The following DENND1A variants were observed in gnomAD, a reference collection of about 807,000 sequenced individuals.
The protein encoded by DENND1A is DENN domain containing 1A.
In DENND1A, 51 loss-of-function variants were observed where a neutral mutation model predicts 113.7. The ratio of observed to expected loss-of-function variants is 0.45; its 90% CI spans 0.36 to 0.57. The LOEUF is 0.57. DENND1A is among the 20% of genes least tolerant of loss of function. The probability of loss-of-function intolerance (pLI) is 0.00; values close to 1 mark genes in which losing one functional copy is unlikely to be tolerated. For missense variants in DENND1A, 1,258 were observed against 1,395.9 expected (o/e 0.90, Z 1.57); for synonymous variants, 565 against 570.8 (o/e 0.99, Z 0.14).
intron 2 of DENND1A, among the ~76,000 whole-genome samples, chr9:123,804,537 C>T (rs1463925342): frequency 1.3e-5 from 2 of 152,116 alleles, no homozygotes; most frequent in East Asian, 1.9e-4. Flanking sequence ...CTCTTTCAGT[C>T]CCATCACTTC....
intron 5 of DENND1A, among the ~76,000 whole-genome samples, chr9:123,736,824 A>C (rs1427738718): frequency 6.6e-6 from 1 of 152,224 alleles, no homozygotes; most frequent in African/African-American, 2.4e-5. Flanking sequence ...GATGAGGTAG[A>C]TACAGGTCAG....
At chr9:123,732,676 T>A (rs1264836198) in intron 5 of DENND1A, among the ~76,000 whole-genome samples, 1 of 152,180 alleles carries the variant, frequency 6.6e-6, no homozygotes, top group Non-Finnish European at 1.5e-5. Flanking sequence ...GTACACAAAT[T>A]AAAAATAAAA....
intron 16 of DENND1A, 129 bp from the exon 17 acceptor site, chr9:123,452,476 C>T: frequency 1.3e-6 from 1 of 746,760 alleles, no homozygotes; most frequent in South Asian, 1.6e-5. Context: ...AGAAATAGGC[C>T]TGGATGATAA....
At chr9:123,726,280 G>A (rs1385042632) in intron 5 of DENND1A, among the ~76,000 whole-genome samples, 1 of 152,194 alleles carries the variant, frequency 6.6e-6, no homozygotes, top group East Asian at 1.9e-4. Context: ...ATTTGTAAAG[G>A]ATGTAAGGTA....
intron 5 of DENND1A, among the ~76,000 whole-genome samples, chr9:123,736,123 TAC>T (rs566117904): frequency 1.3e-3 from 192 of 152,360 alleles, no homozygotes; most frequent in African/African-American, 4.4e-3. Flanking sequence ...ATAGTAACTA[TAC>T]ACACCAATAG....
At chr9:123,434,366 A>G (rs1054882761) in intron 19 of DENND1A, among the ~76,000 whole-genome samples, 7 of 152,250 alleles carry the variant, frequency 4.6e-5, no homozygotes, top group African/African-American at 1.7e-4. Context: ...GAATTTGGAA[A>G]TAGTTTGTGA....
intron 9 of DENND1A, among the ~76,000 whole-genome samples, chr9:123,640,037 T>C (rs189024885): frequency 9.3e-4 from 142 of 152,302 alleles, no homozygotes; most frequent in Non-Finnish European, 7.8e-4. Context: ...AGTTGAGCTC[T>C]GGATTCTGTG....
At chr9:123,473,619 T>C (rs1229349698) in intron 13 of DENND1A, among the ~76,000 whole-genome samples, 1 of 152,248 alleles carries the variant, frequency 6.6e-6, no homozygotes, top group Non-Finnish European at 1.5e-5. Flanking sequence ...TTATCTGCCC[T>C]GGAACCACCC....
At chr9:123,750,894 T>A (rs1213197944) in intron 5 of DENND1A, among the ~76,000 whole-genome samples, 3 of 152,122 alleles carry the variant, frequency 2.0e-5, no homozygotes, top group Non-Finnish European at 4.4e-5. Flanking sequence ...AAAACAAGAA[T>A]AGGAGATTCC....
At chr9:123,794,956 A>G (rs975317065) in intron 2 of DENND1A, among the ~76,000 whole-genome samples, 3 of 152,200 alleles carry the variant, frequency 2.0e-5, no homozygotes, top group African/African-American at 7.2e-5. Flanking sequence ...AACGCCATCA[A>G]TTAGATTCCT....
At position 123,411,895 on chromosome 9, in the gene DENND1A, G is replaced by C. The variant is rs566564507; in HGVS notation, c.1489-66C>G. On this transcript the variant is annotated intron_variant, in intron 19 of 23. Transcript: ENST00000394215. ...GAAGGCTCAATGCATTTCCACACAC[G>C]GCCTGGAGGAAGGCACCCAGTCACC... The C allele has an allele frequency of 1.6e-4, 159 of 969,328 alleles. No individual in the cohort carries two copies. In the African/African-American group the frequency reaches 2.4e-3, roughly 14 times the overall value. 60.0% of individuals were successfully genotyped at this position (969,328 alleles called of 1,614,324 possible). A position where few individuals can be genotyped will look rare whatever the true frequency, so the allele number is the denominator to read the frequency against.
intron 1 of DENND1A, among the ~76,000 whole-genome samples, chr9:123,893,521 C>A (rs1850243858): frequency 6.6e-6 from 1 of 152,156 alleles, no homozygotes; most frequent in African/African-American, 2.4e-5. Flanking sequence ...ACATTTTAGT[C>A]ATGTTAATCT....
At chr9:123,656,545 A>G (rs957041695) in intron 8 of DENND1A, among the ~76,000 whole-genome samples, 14 of 152,098 alleles carry the variant, frequency 9.2e-5, no homozygotes, top group East Asian at 3.9e-4. Context: ...GGGAAGGAGA[A>G]AAAAATCTCA....
At chr9:123,410,012 A>C (rs1443708851) in intron 20 of DENND1A, among the ~76,000 whole-genome samples, 1 of 152,194 alleles carries the variant, frequency 6.6e-6, no homozygotes, top group African/African-American at 2.4e-5. Context: ...AAATGGTGTG[A>C]ATCCAGGAGG....
At chr9:123,572,333 T>C (rs1194612396) in intron 12 of DENND1A, among the ~76,000 whole-genome samples, 1 of 152,202 alleles carries the variant, frequency 6.6e-6, no homozygotes, top group Non-Finnish European at 1.5e-5. Context: ...CCACTGATTG[T>C]TTTTATATTA....
intron 19 of DENND1A, among the ~76,000 whole-genome samples, chr9:123,421,241 G>A (rs2045275897): frequency 1.3e-5 from 2 of 151,542 alleles, no homozygotes; most frequent in Admixed American, 6.6e-5. Context: ...CTACATGCGA[G>A]GTCTCTATTC....
intron 5 of DENND1A, among the ~76,000 whole-genome samples, chr9:123,744,376 C>A (rs1035481183): frequency 6.6e-6 from 1 of 152,140 alleles, no homozygotes; most frequent in African/African-American, 2.4e-5. Flanking sequence ...TTAAATTTAA[C>A]TATCCTCTAT....
chr9:123,571,116 G>C (rs755612972), intron 12 of DENND1A, among the ~76,000 whole-genome samples: 3 of 151,818 alleles, frequency 2.0e-5, no homozygotes, highest in Non-Finnish European at 4.4e-5. Flanking sequence ...ACTCAGACAA[G>C]ATTATACATT....
intron 22 of DENND1A, among the ~76,000 whole-genome samples, chr9:123,384,472 G>A (rs2042454717): frequency 1.3e-5 from 2 of 152,230 alleles, no homozygotes; most frequent in South Asian, 4.1e-4. Flanking sequence ...ACCTTTGGCA[G>A]GTCACTTAAC....
Sources: gnomAD v4.1 joint callset for allele counts (sites outside exome capture counted in the v4.1 genomes callset) on GRCh38, gnomAD v4.1.1 for gene constraint, MANE v1.5 for transcripts, NCBI Gene and HGNC (gene_info 2026-07-23, HGNC 2026-07-21) for gene names.